BMPR2: variants seen among roughly 807,000 people sequenced by gnomAD.
BMPR2 encodes bone morphogenetic protein receptor type-2.
In BMPR2, 29 loss-of-function variants were observed where a neutral mutation model predicts 100.8. The ratio of observed to expected loss-of-function variants is 0.29; its 90% CI spans 0.21 to 0.39. The LOEUF (loss-of-function observed/expected upper bound fraction) is 0.39, where lower values mean the gene tolerates loss of function less well. Ranked by LOEUF, BMPR2 falls within the 10% of genes least tolerant of loss-of-function variation. The probability of loss-of-function intolerance (pLI) is 1.00; values close to 1 mark genes in which losing one functional copy is unlikely to be tolerated. For synonymous variants in BMPR2, 382 were observed against 442.3 expected (o/e 0.86, Z 1.71); for missense variants, 1,011 against 1,274.5 (o/e 0.79, Z 3.15).
intron 3 of BMPR2, among the ~76,000 whole-genome samples, chr2:202,506,128 T>TA (rs1687516210): frequency 6.6e-6 from 1 of 151,508 alleles, no homozygotes. Context: ...AACAGAAAGA[T>TA]AGATCCTGTG....
At chr2:202,456,408 G>T (rs561533218) in intron 1 of BMPR2, among the ~76,000 whole-genome samples, 172 of 151,862 alleles carry the variant, frequency 1.1e-3, no homozygotes, top group Middle Eastern at 3.4e-3. Flanking sequence ...TTAAACTCCT[G>T]ACCTCATGAT....
Position 202,555,989 on chromosome 2 carries a change from G to A in BMPR2, c.2324G>A (p.Ser775Asn), listed in dbSNP as rs2228545. The change falls in exon 12 of 13, where the codon AGC becomes AAC. Residue 775 changes from serine to asparagine, a missense_variant. Coordinates refer to ENST00000374580, the MANE Select transcript of BMPR2 (RefSeq NM_001204.7). ...AAAGAGCCCCGGCTAAAATTTGGCA[G>A]CAAGCACAAATCAAACTTGAAACAA... is the stretch of plus-strand genomic sequence containing the variant. ...STKEPRLKFGSKHKSNLKQVE... is the reference protein window; with the variant it reads ...STKEPRLKFGNKHKSNLKQVE... 47,940 of 1,614,166 alleles carry A rather than the reference G, an allele frequency of 0.03. 849 individuals carry two copies. The highest frequency in any genetic ancestry group is 0.035 in the Non-Finnish European group (40,789 of 1,180,030).
intron 1 of BMPR2, among the ~76,000 whole-genome samples, chr2:202,445,121 A>G (rs1359074509): frequency 6.6e-6 from 1 of 150,578 alleles, no homozygotes; most frequent in Non-Finnish European, 1.5e-5. Flanking sequence ...AATATGTGAC[A>G]TACTGGCAAT....
At chr2:202,378,648 T>C (rs1690207738) in intron 1 of BMPR2, among the ~76,000 whole-genome samples, 1 of 152,224 alleles carries the variant, frequency 6.6e-6, no homozygotes, top group Non-Finnish European at 1.5e-5. Context: ...ATGTCTACTG[T>C]TGATTAATGT....
At chr2:202,422,852 T>C (rs899457430) in intron 1 of BMPR2, among the ~76,000 whole-genome samples, 6 of 151,804 alleles carry the variant, frequency 4.0e-5, no homozygotes, top group African/African-American at 1.5e-4. Flanking sequence ...AATTTTTCTG[T>C]TTTTCGTAGA....
intron 1 of BMPR2, among the ~76,000 whole-genome samples, chr2:202,449,358 AT>A (rs1406183503): frequency 1.3e-5 from 2 of 152,000 alleles, no homozygotes; most frequent in Non-Finnish European, 2.9e-5. Flanking sequence ...TAATAAAAAA[AT>A]AACAGACCTG....
At chr2:202,559,304 A>C (rs4675283) in intron 12 of BMPR2, among the ~76,000 whole-genome samples, 79,415 of 130,984 alleles carry the variant, frequency 0.61, 21,223 homozygotes, top group East Asian at 0.83. Flanking sequence ...TCCATCCCCC[A>C]AAAAAAAAAA....
chr2:202,531,136 C>T (rs1688019599), intron 8 of BMPR2, among the ~76,000 whole-genome samples, 182 bp downstream of exon 8: 1 of 152,128 alleles, frequency 6.6e-6, no homozygotes, highest in Non-Finnish European at 1.5e-5. Context: ...AACCCCGTCT[C>T]TACTAAAAAT....
rs922345152 is a variant in BMPR2 at position 202,458,207 on chromosome 2, G to A, written c.77-6602G>A. ...CACTCCTGCAATCCCAGCACTTCCG[G>A]AGGCCAAGGCAGGAGGATCACTTGA... On this transcript the variant is annotated intron_variant, in intron 1 of 12. Coordinates refer to ENST00000374580, the MANE Select transcript of BMPR2 (RefSeq NM_001204.7). 3.4e-5 allele frequency among the ~76,000 whole-genome samples: 5 copies of A among 146,720 alleles called. 2 individuals are homozygous for A. In the South Asian group the frequency reaches 1.1e-3, roughly 32 times the overall value.
chr2:202,501,864 A>G (rs958050642), intron 3 of BMPR2, among the ~76,000 whole-genome samples: 4 of 152,228 alleles, frequency 2.6e-5, no homozygotes, highest in African/African-American at 7.2e-5. Context: ...CATGACTGCC[A>G]ACAAATTATA....
At chr2:202,558,451 A>G (rs1688621896) in intron 12 of BMPR2, among the ~76,000 whole-genome samples, 1 of 152,098 alleles carries the variant, frequency 6.6e-6, no homozygotes, top group Non-Finnish European at 1.5e-5. Flanking sequence ...AAAAAAAGTT[A>G]TGTTTTATTG....
intron 7 of BMPR2, among the ~76,000 whole-genome samples, chr2:202,528,634 C>G (rs950470801): frequency 1.3e-5 from 2 of 152,216 alleles, no homozygotes; most frequent in Non-Finnish European, 2.9e-5. Flanking sequence ...AGAACACTTA[C>G]ATTAGCCTAC....
At chr2:202,533,892 T>G (rs1480256784) in intron 9 of BMPR2, among the ~76,000 whole-genome samples, 2 of 152,178 alleles carry the variant, frequency 1.3e-5, no homozygotes, top group Non-Finnish European at 2.9e-5. Flanking sequence ...CCAAATGAAT[T>G]TATAGTTTTC....
rs1454943312 is a variant in BMPR2 at position 202,394,893 on chromosome 2, T to C, written c.76+17343T>C. Among the ~76,000 whole-genome samples the C allele has an allele frequency of 4.0e-5, 6 of 149,342 alleles. 1 individual carries two copies. Among genetic ancestry groups the C allele is most frequent in the Admixed American group, 4.0e-4 (6 of 15,002 alleles). On this transcript the variant is annotated intron_variant, in intron 1 of 12. Transcript: ENST00000374580. Reference sequence around the variant, plus strand: ...CTAAAAGTCTTTACTTTTTTTTATTTTTTTTTTTTTGAGACAGAGTCTCAC... The same window carrying C: ...CTAAAAGTCTTTACTTTTTTTTATTCTTTTTTTTTTGAGACAGAGTCTCAC...
chr2:202,559,321 T>G (rs1486204328), intron 12 of BMPR2, among the ~76,000 whole-genome samples: 2 of 151,840 alleles, frequency 1.3e-5, no homozygotes, highest in Admixed American at 6.6e-5. Flanking sequence ...AAAAAAAAAT[T>G]TGATCCACCT....
intron 10 of BMPR2, among the ~76,000 whole-genome samples, chr2:202,550,460 C>T (rs968227863): frequency 3.9e-5 from 6 of 151,964 alleles, no homozygotes; most frequent in African/African-American, 1.4e-4. Flanking sequence ...TCAAACAGTC[C>T]TCCCACTGCA....
intron 3 of BMPR2, among the ~76,000 whole-genome samples, chr2:202,493,877 AT>A (rs1003916435): frequency 2.6e-5 from 4 of 151,750 alleles, no homozygotes; most frequent in African/African-American, 4.8e-5. Flanking sequence ...AGTATGGGCT[AT>A]TTTTTTTGTT....
In BMPR2 at chr2:202,436,530, C is replaced by G. The variant is rs144474922; in HGVS notation, c.77-28279C>G. On this transcript the variant is annotated intron_variant, in intron 1 of 12. Coordinates refer to ENST00000374580, the MANE Select transcript of BMPR2 (RefSeq NM_001204.7). The stretch of plus-strand genomic sequence containing the variant: ...AAAAGGAAACTTAGTTTTATCTTGA[C>G]AAAGATATCTAATTTGCTTCTAAGC... 8.2e-4 allele frequency among the ~76,000 whole-genome samples: 123 copies of G among 150,858 alleles called. 18 individuals are homozygous for G. Among genetic ancestry groups the G allele is most frequent in the African/African-American group, 2.9e-3 (117 of 40,210 alleles).
At chr2:202,401,108 C>T (rs1319623305) in intron 1 of BMPR2, among the ~76,000 whole-genome samples, 1 of 152,182 alleles carries the variant, frequency 6.6e-6, no homozygotes, top group Non-Finnish European at 1.5e-5. Context: ...AGCTTTCTTT[C>T]AGTTGGATGT....
Sources: gnomAD v4.1 joint callset for allele counts (sites outside exome capture counted in the v4.1 genomes callset) on GRCh38, gnomAD v4.1.1 for gene constraint, MANE v1.5 for transcripts, NCBI Gene and HGNC (gene_info 2026-07-23, HGNC 2026-07-21) for gene names.